EPHA6: variants seen among roughly 807,000 people sequenced by gnomAD.
EPHA6 encodes EPH receptor A6, also known as ephrin type-A receptor 6.
EPHA6 carries 50 observed loss-of-function variants against 112.0 expected under a neutral mutation model. The ratio of observed to expected loss-of-function variants is 0.45; its 90% CI spans 0.36 to 0.56. The LOEUF is 0.56. Among genes scored for constraint, EPHA6 ranks in the 20% least tolerant of loss-of-function variants. The probability of loss-of-function intolerance (pLI) is 0.00; values close to 1 mark genes in which losing one functional copy is unlikely to be tolerated. For synonymous variants in EPHA6, 529 were observed against 490.7 expected (o/e 1.08, Z -1.03); for missense variants, 1,280 against 1,417.4 (o/e 0.90, Z 1.56).
chr3:97,418,651 G>T (rs1255320081), intron 6 of EPHA6, among the ~76,000 whole-genome samples: 6 of 152,032 alleles, frequency 3.9e-5, no homozygotes, highest in African/African-American at 1.4e-4. Context: ...GAGGGAGTTT[G>T]TCACTCAAAG....
intron 2 of EPHA6, among the ~76,000 whole-genome samples, chr3:96,970,276 C>T (rs2042268767): frequency 6.7e-6 from 1 of 149,420 alleles, no homozygotes; most frequent in African/African-American, 2.5e-5. Context: ...CAAACACACA[C>T]ACACACAGAG....
intron 1 of EPHA6, among the ~76,000 whole-genome samples, chr3:96,838,563 G>GT (rs1285643964): frequency 1.3e-5 from 2 of 151,904 alleles, no homozygotes; most frequent in Non-Finnish European, 2.9e-5. Flanking sequence ...CAGCATCTGT[G>GT]TTTTTTGACT....
At chr3:97,254,949 C>T (rs1214797221) in intron 5 of EPHA6, among the ~76,000 whole-genome samples, 1 of 152,176 alleles carries the variant, frequency 6.6e-6, no homozygotes, top group African/African-American at 2.4e-5. Flanking sequence ...ATCAGTAGAA[C>T]ATTCTAGTTA....
At chr3:97,032,095 C>T (rs2044875262) in intron 3 of EPHA6, among the ~76,000 whole-genome samples, 1 of 152,144 alleles carries the variant, frequency 6.6e-6, no homozygotes, top group Non-Finnish European at 1.5e-5. Context: ...GGCACATATA[C>T]ACCATGGAAT....
At chr3:97,202,963 G>A (rs536442078) in intron 3 of EPHA6, among the ~76,000 whole-genome samples, 21 of 152,212 alleles carry the variant, frequency 1.4e-4, no homozygotes, top group Admixed American at 7.9e-4. Context: ...AATCCAGAAA[G>A]AGCAAGAACA....
intron 14 of EPHA6, among the ~76,000 whole-genome samples, chr3:97,649,807 A>G (rs2094094822): frequency 6.6e-6 from 1 of 151,820 alleles, no homozygotes; most frequent in South Asian, 2.1e-4. Context: ...TAGTTCTATG[A>G]TAGATGCTAT....
At position 96,925,607 on chromosome 3, in the gene EPHA6, T is replaced by TC. The variant is rs2039994679; in HGVS notation, c.450+58718_450+58719insC. ...AAAAACAAGCTCCTTGATTTGCTGT[T>TC]TTTTTTTTTTTTCCCAAGACAGAGT... On this transcript the variant is annotated intron_variant, in intron 2 of 17. Coordinates refer to ENST00000389672, the MANE Select transcript of EPHA6 (RefSeq NM_001080448.3). 2.6e-5 allele frequency among the ~76,000 whole-genome samples: 3 copies of TC among 116,666 alleles called. No homozygotes were observed. The South Asian group carries it at 7.5e-4, about 29-fold the overall frequency. The allele number at this position is 116,666 out of a possible 152,430, so 76.5% of individuals were successfully genotyped here. A position where few individuals can be genotyped will look rare whatever the true frequency, so the allele number is the denominator to read the frequency against.
At chr3:97,153,553 T>C (rs1444556989) in intron 3 of EPHA6, among the ~76,000 whole-genome samples, 1 of 152,134 alleles carries the variant, frequency 6.6e-6, no homozygotes, top group Non-Finnish European at 1.5e-5. Context: ...TCAAGCATAA[T>C]TGGTATTTGA....
chr3:97,276,290 C>T (rs545773531), intron 5 of EPHA6, among the ~76,000 whole-genome samples: 2 of 152,120 alleles, frequency 1.3e-5, no homozygotes, highest in Non-Finnish European at 2.9e-5. Context: ...GTCAGAGAGC[C>T]TTGGGCCAGA....
intron 12 of EPHA6, 116 bp downstream of exon 12, chr3:97,592,853 G>C: frequency 8.6e-7 from 1 of 1,157,854 alleles, no homozygotes; most frequent in Non-Finnish European, 1.2e-6. Flanking sequence ...GAAAAGAAAT[G>C]TAAGTGACTG....
intron 5 of EPHA6, among the ~76,000 whole-genome samples, chr3:97,317,547 T>C (rs1559876755): frequency 6.6e-6 from 1 of 152,026 alleles, no homozygotes; most frequent in Non-Finnish European, 1.5e-5. Flanking sequence ...TGTTTCGATA[T>C]ACCCTTCAGA....
intron 1 of EPHA6, 149 bp from the exon 2 acceptor site, chr3:96,866,676 A>G: frequency 2.6e-6 from 1 of 388,350 alleles, no homozygotes. Flanking sequence ...TTAATATGTA[A>G]ATTTCTGAAG....
At chr3:97,086,052 G>A (rs542324159) in intron 3 of EPHA6, among the ~76,000 whole-genome samples, 5 of 150,310 alleles carry the variant, frequency 3.3e-5, no homozygotes, top group African/African-American at 1.2e-4. Flanking sequence ...CTCTTGCCTC[G>A]GCCTCCCAAG....
chr3:96,915,080 T>C (rs1168633231), intron 2 of EPHA6, among the ~76,000 whole-genome samples: 4 of 151,888 alleles, frequency 2.6e-5, no homozygotes, highest in African/African-American at 9.7e-5. Flanking sequence ...ATTAAAATTA[T>C]GGGCATATCA....
chr3:97,529,261 C>A (rs550950628), intron 10 of EPHA6, among the ~76,000 whole-genome samples: 1 of 152,154 alleles, frequency 6.6e-6, no homozygotes, highest in South Asian at 2.1e-4. Flanking sequence ...CTGTTAGGTA[C>A]TTTACTTAGC....
chr3:97,101,107 TATC>T (rs1216119514), intron 3 of EPHA6, among the ~76,000 whole-genome samples: 4 of 152,040 alleles, frequency 2.6e-5, no homozygotes, highest in Non-Finnish European at 4.4e-5. Flanking sequence ...GTGAGTAAAT[TATC>T]ATAACTATAT....
intron 11 of EPHA6, among the ~76,000 whole-genome samples, chr3:97,569,405 A>G (rs1454129785): frequency 6.6e-6 from 1 of 152,200 alleles, no homozygotes. Flanking sequence ...TTAAAAGTTA[A>G]GAAATGCTTG....
At chr3:97,007,269 T>C (rs1204278308) in intron 3 of EPHA6, among the ~76,000 whole-genome samples, 1 of 152,208 alleles carries the variant, frequency 6.6e-6, no homozygotes, top group African/African-American at 2.4e-5. Context: ...AGAACTTGTC[T>C]TATGAATCTG....
chr3:97,129,661 C>T (rs190922973), intron 3 of EPHA6, among the ~76,000 whole-genome samples: 5 of 152,150 alleles, frequency 3.3e-5, no homozygotes, highest in Admixed American at 6.5e-5. Flanking sequence ...AGGAATACTG[C>T]AGTGGAGTTT....
Sources: gnomAD v4.1 joint callset for allele counts (sites outside exome capture counted in the v4.1 genomes callset) on GRCh38, gnomAD v4.1.1 for gene constraint, MANE v1.5 for transcripts, NCBI Gene and HGNC (gene_info 2026-07-23, HGNC 2026-07-21) for gene names.